Variants in ABCC4 observed in about 807,000 individuals in gnomAD.
ABCC4 encodes the protein ATP binding cassette subfamily C member 4 (PEL blood group), also known as ATP-binding cassette sub-family C member 4.
ABCC4 carries 102 observed loss-of-function variants against 168.5 expected under a neutral mutation model. The ratio of observed to expected loss-of-function variants is 0.61; its 90% CI spans 0.52 to 0.71. ABCC4 has a LOEUF of 0.71. ABCC4 is among the 30% of genes least tolerant of loss of function. ABCC4 has a pLI of 0.00. For synonymous variants in ABCC4, 617 were observed against 590.7 expected, an observed-to-expected ratio of 1.04 and a Z score of -0.65; for missense variants, 1,402 against 1,605.8, an observed-to-expected ratio of 0.87 and a Z score of 2.17.
chr13:95,093,585 G>A (rs1751056), intron 20 of ABCC4, among the ~76,000 whole-genome samples: 143,868 of 152,222 alleles, frequency 0.95, 68,115 homozygotes, highest in Non-Finnish European at 0.96. Context: ...CAGCCAACAT[G>A]ATACTGAATG....
chr13:95,206,706 T>A lies in ABCC4; in HGVS notation c.987A>T (p.Lys329Asn), dbSNP rs2038792283. 6.2e-7 allele frequency: 1 copy of A among 1,614,026 alleles called. No individual in the cohort carries two copies. The highest frequency in any genetic ancestry group is 1.3e-5 in the African/African-American group (1 of 74,914). ...TGGTGAAGGTCACAAACACGATGAT[T>A]TTGCTTGCACTGAAAAATGAAGCCA... The part of the protein sequence containing the change: ...MNLASFFSAS[K>N]IIVFVTFTTY... The change falls in exon 8 of 31, where the codon AAA (lysine) becomes AAT (asparagine). Residue 329 changes from lysine (K) to asparagine (N), a missense_variant. This residue lies in a region of ABCC4 where 78 missense variants were observed against 133.0 expected (regional missense o/e 0.59). Transcript: ENST00000645237.
At position 95,154,399 on chromosome 13, in the gene ABCC4, C is replaced by T. The variant is rs543946898; in HGVS notation, c.2455+6790G>A. On this transcript the variant is annotated intron_variant, in intron 19 of 30. Coordinates refer to ENST00000645237, the MANE Select transcript of ABCC4 (RefSeq NM_005845.5). ...ATTGAGTACATGAAAGCTGTCAGGA[C>T]GGTTGTTATTCTCAATTTCTTACAG... 8.5e-5 allele frequency among the ~76,000 whole-genome samples: 13 copies of T among 152,272 alleles called. No homozygotes were observed. In the East Asian group the frequency reaches 9.6e-4, roughly 11 times the overall value.
At chr13:95,084,962 C>T (rs1039490306) in intron 20 of ABCC4, among the ~76,000 whole-genome samples, 4 of 152,228 alleles carry the variant, frequency 2.6e-5, no homozygotes, top group African/African-American at 9.6e-5. Context: ...TCTATGGCTT[C>T]GGGAAATATG....
chr13:95,156,444 C>T (rs1427767529), intron 19 of ABCC4, among the ~76,000 whole-genome samples: 1 of 152,082 alleles, frequency 6.6e-6, no homozygotes, highest in Non-Finnish European at 1.5e-5. Context: ...TCTGCCCATG[C>T]CAGGAAAACA....
At chr13:95,230,399 T>C (rs536676810) in intron 4 of ABCC4, among the ~76,000 whole-genome samples, 1 of 152,220 alleles carries the variant, frequency 6.6e-6, no homozygotes, top group African/African-American at 2.4e-5. Context: ...AAAAACAGTA[T>C]GATGGTTCCT....
At chr13:95,025,269 A>C (rs1566351202) in intron 30 of ABCC4, among the ~76,000 whole-genome samples, 21 of 16,678 alleles carry the variant, frequency 1.3e-3, no homozygotes, top group African/African-American at 2.7e-3. Flanking sequence ...ACACCCCCAC[A>C]CCCCCACACA....
At chr13:95,189,364 G>A (rs2038183075) in intron 9 of ABCC4, among the ~76,000 whole-genome samples, 1 of 151,396 alleles carries the variant, frequency 6.6e-6, no homozygotes, top group African/African-American at 2.4e-5. Context: ...CTCGTGATCC[G>A]CCCGCCTCGG....
chr13:95,034,423 A>G (rs1593978954), intron 30 of ABCC4, among the ~76,000 whole-genome samples, 182 bp downstream of exon 30: 2 of 152,342 alleles, frequency 1.3e-5, no homozygotes, highest in Middle Eastern at 6.8e-3. Flanking sequence ...CGCTTCTGCC[A>G]ACTCTTTGCA....
intron 1 of ABCC4, among the ~76,000 whole-genome samples, chr13:95,299,201 G>A (rs2041612580): frequency 6.7e-6 from 1 of 149,610 alleles, no homozygotes; most frequent in African/African-American, 2.5e-5. Context: ...GGAGGCTGCA[G>A]CAAGCTATGA....
chr13:95,135,178 GCT>G (rs2036105426), intron 19 of ABCC4, among the ~76,000 whole-genome samples: 1 of 152,074 alleles, frequency 6.6e-6, no homozygotes, highest in African/African-American at 2.4e-5. Context: ...CTACCATTTA[GCT>G]ATCTGCAAGA....
At chr13:95,101,272 G>A (rs961583631) in intron 20 of ABCC4, among the ~76,000 whole-genome samples, 2 of 152,266 alleles carry the variant, frequency 1.3e-5, no homozygotes, top group South Asian at 4.1e-4. Context: ...TGCATTGGTG[G>A]CTCAAGTAGC....
chr13:95,204,626 A>G lies in ABCC4; in HGVS notation c.1161+1906T>C, dbSNP rs182027645. Among the ~76,000 whole-genome samples the G allele has an allele frequency of 3.9e-4, 59 of 152,308 alleles. 2 individuals are homozygous for G. In the South Asian group the frequency reaches 8.7e-3, roughly 22 times the overall value. ...CCCAACTATGCTGAACTGTGAGTCAATTAAACCTCTTTCCAATATAAATTG... is the reference window on the plus strand; with the variant it reads ...CCCAACTATGCTGAACTGTGAGTCAGTTAAACCTCTTTCCAATATAAATTG... On this transcript the variant is annotated intron_variant, in intron 8 of 30. Coordinates refer to ENST00000645237, the MANE Select transcript of ABCC4 (RefSeq NM_005845.5).
chr13:95,151,563 AAGG>A (rs1457156294), intron 19 of ABCC4, among the ~76,000 whole-genome samples: 1 of 134,596 alleles, frequency 7.4e-6, no homozygotes, highest in Middle Eastern at 4.1e-3. Flanking sequence ...GGAGGAGGAG[AAGG>A]AGAAGAAGGA....
intron 20 of ABCC4, among the ~76,000 whole-genome samples, chr13:95,083,848 C>G (rs565827619): frequency 1.2e-3 from 180 of 152,114 alleles, no homozygotes; most frequent in African/African-American, 4.2e-3. Context: ...GAAACACTCA[C>G]CAGCCTCATG....
At chr13:95,182,839 T>C (rs2037940512) in intron 11 of ABCC4, among the ~76,000 whole-genome samples, 1 of 152,158 alleles carries the variant, frequency 6.6e-6, no homozygotes, top group East Asian at 1.9e-4. Context: ...CTAACATTAG[T>C]ATGTTGTTTC....
At chr13:95,046,558 A>G (rs977641292) in intron 27 of ABCC4, among the ~76,000 whole-genome samples, 3 of 152,134 alleles carry the variant, frequency 2.0e-5, no homozygotes, top group Non-Finnish European at 4.4e-5. Flanking sequence ...TGAGGTCAGG[A>G]GTTCGAGACC....
intron 21 of ABCC4, among the ~76,000 whole-genome samples, chr13:95,081,759 G>C (rs192667493): frequency 6.6e-6 from 1 of 152,274 alleles, no homozygotes; most frequent in Non-Finnish European, 1.5e-5. Flanking sequence ...CCAGCACTTT[G>C]GGAGGCTGAG....
At chr13:95,188,890 T>C (rs981295070) in intron 9 of ABCC4, among the ~76,000 whole-genome samples, 5 of 152,072 alleles carry the variant, frequency 3.3e-5, no homozygotes, top group African/African-American at 1.2e-4. Flanking sequence ...TATATATATA[T>C]TTTTTACTTT....
At chr13:95,282,545 T>C (rs2041151674) in intron 1 of ABCC4, among the ~76,000 whole-genome samples, 5 of 142,496 alleles carry the variant, frequency 3.5e-5, no homozygotes, top group Admixed American at 3.4e-4. Context: ...TTATTTTTTA[T>C]TTTTTTTGAG....
Sources: allele counts gnomAD v4.1 joint callset (sites outside exome capture counted in the v4.1 genomes callset), GRCh38; gene constraint gnomAD v4.1.1; regional missense constraint gnomAD v4.1.1; transcripts MANE v1.5; gene names NCBI Gene and HGNC (gene_info 2026-07-23, HGNC 2026-07-21).